SMAD5: variants seen among roughly 807,000 people sequenced by gnomAD.
The protein encoded by SMAD5 is SMAD family member 5.
In SMAD5, 9 loss-of-function variants were observed where a neutral mutation model predicts 43.1. The observed-to-expected ratio is 0.21, with a 90% CI of 0.13 to 0.36. SMAD5 has a LOEUF of 0.36. SMAD5 is among the 10% of genes least tolerant of loss of function. The pLI is 1.00. For synonymous variants in SMAD5, 190 were observed against 192.4 expected (o/e 0.99, Z 0.10); for missense variants, 348 against 574.0 (o/e 0.61, Z 4.02).
intron 1 of SMAD5, among the ~76,000 whole-genome samples, chr5:136,142,704 G>A (rs1262145378): frequency 6.6e-6 from 1 of 152,140 alleles, no homozygotes; most frequent in East Asian, 1.9e-4. Context: ...GTGTAAGAAG[G>A]AGCATACCTT....
intron 3 of SMAD5, among the ~76,000 whole-genome samples, chr5:136,154,948 G>T (rs75025571): frequency 6.6e-6 from 1 of 152,012 alleles, no homozygotes; most frequent in African/African-American, 2.4e-5. Context: ...GACTGTTCTT[G>T]CCCCTCTTTG....
intron 3 of SMAD5, among the ~76,000 whole-genome samples, chr5:136,156,170 T>A (rs1025087005): frequency 6.6e-6 from 1 of 152,198 alleles, no homozygotes; most frequent in Non-Finnish European, 1.5e-5. Flanking sequence ...CATAGCCTTC[T>A]TTATAGGTAG....
At chr5:136,137,451 T>G (rs999523384) in intron 1 of SMAD5, among the ~76,000 whole-genome samples, 1 of 152,248 alleles carries the variant, frequency 6.6e-6, no homozygotes, top group Non-Finnish European at 1.5e-5. Context: ...CCACTTTTTC[T>G]CTGAGCATAG....
intron 1 of SMAD5, among the ~76,000 whole-genome samples, chr5:136,146,374 A>G (rs1207964292): frequency 2.6e-5 from 4 of 151,794 alleles, no homozygotes; most frequent in Non-Finnish European, 4.4e-5. Context: ...GTAGAAGAGT[A>G]TTATGGGGTG....
rs904784984 is a variant in SMAD5, at chr5:136,161,931, C to G, written c.655+824C>G. Among the ~76,000 whole-genome samples, 10 of 152,086 alleles carry G rather than the reference C, an allele frequency of 6.6e-5. No individual in the cohort carries two copies. The East Asian group carries it at 1.7e-3, about 26-fold the overall frequency. On this transcript the variant is annotated intron_variant, in intron 4 of 7. Transcript: ENST00000545279. ...TAAGTTCTTGTGGTATATTTCTGGT[C>G]ACAAAAATATCACTAAATTTATAAA...
chr5:136,171,930 T>C (rs1162481389), intron 5 of SMAD5, among the ~76,000 whole-genome samples: 1 of 152,208 alleles, frequency 6.6e-6, no homozygotes, highest in Non-Finnish European at 1.5e-5. Flanking sequence ...TGGAAATAAT[T>C]AGGCTTGAGA....
rs995436522 is a variant in SMAD5, at chr5:136,181,348, A to C, written c.*3868A>C. 6.6e-6 allele frequency: 1 copy of C among 152,106 alleles called. No individual in the cohort carries two copies. Among genetic ancestry groups the C allele is most frequent in the East Asian group, 1.9e-4 (1 of 5,202 alleles). The allele number at this position is 152,106 out of a possible 1,614,324, so 9.4% of individuals were successfully genotyped here. ...TGTCTTACTAGTTAAATCCTCACCTAATCTCTTGGGTATGAATATAAATGT... is the reference window on the plus strand; with the variant it reads ...TGTCTTACTAGTTAAATCCTCACCTCATCTCTTGGGTATGAATATAAATGT... On this transcript the variant is annotated 3_prime_UTR_variant, in exon 8 of 8. Transcript: ENST00000545279.
intron 1 of SMAD5, among the ~76,000 whole-genome samples, chr5:136,137,017 ATT>A (rs60239443): frequency 0.34 from 36,462 of 108,378 alleles, 4,315 homozygotes; most frequent in African/African-American, 0.43. Context: ...TTTAGTTTTG[ATT>A]TTTTTTTTTT....
intron 3 of SMAD5, among the ~76,000 whole-genome samples, chr5:136,156,709 CT>C (rs1753648526): frequency 6.6e-6 from 1 of 152,178 alleles, no homozygotes; most frequent in South Asian, 2.1e-4. Flanking sequence ...ATGTATTCCC[CT>C]ATAGCCAAAG....
At chr5:136,169,335 AG>A (rs1754136773) in intron 5 of SMAD5, among the ~76,000 whole-genome samples, 1 of 152,124 alleles carries the variant, frequency 6.6e-6, no homozygotes, top group East Asian at 1.9e-4. Context: ...ACCCAGATTG[AG>A]GGTGGGCCTG....
At chr5:136,133,048 G>C (rs1405451030) in intron 1 of SMAD5, 86 bp downstream of exon 1, 1 of 152,374 alleles carries the variant, frequency 6.6e-6, no homozygotes, top group Non-Finnish European at 1.5e-5. Context: ...AGGCGGGGGC[G>C]TTCGGCCGCG....
chr5:136,163,042 G>A (rs983305506), intron 4 of SMAD5, among the ~76,000 whole-genome samples: 1 of 152,150 alleles, frequency 6.6e-6, no homozygotes, highest in Non-Finnish European at 1.5e-5. Context: ...TTGTATCCTG[G>A]ATTACCAGGG....
chr5:136,145,785 A>G (rs897267315), intron 1 of SMAD5, among the ~76,000 whole-genome samples: 1 of 151,946 alleles, frequency 6.6e-6, no homozygotes, highest in Non-Finnish European at 1.5e-5. Flanking sequence ...GAAAAAATGG[A>G]GATTTTGGGT....
Position 136,181,382 on chromosome 5 carries a change from G to A in SMAD5, c.*3902G>A, listed in dbSNP as rs376032480. On this transcript the variant is annotated 3_prime_UTR_variant, in exon 8 of 8. Coordinates refer to ENST00000545279, the MANE Select transcript of SMAD5 (RefSeq NM_005903.7). Reference sequence around the variant, plus strand: ...GGTATGAATATAAATGTGTGTCATCGTTATATTGTTCAGCTAGATGAGCAA... The same window carrying A: ...GGTATGAATATAAATGTGTGTCATCATTATATTGTTCAGCTAGATGAGCAA... The A allele has an allele frequency of 4.6e-5, 7 of 152,162 alleles. No individual in the cohort carries two copies. Among genetic ancestry groups the A allele is most frequent in the East Asian group, 1.9e-4 (1 of 5,180 alleles). The allele number at this position is 152,162 out of a possible 1,614,324, so 9.4% of individuals were successfully genotyped here.
At chr5:136,134,276 T>C (rs1212932743) in intron 1 of SMAD5, 1 of 152,582 alleles carries the variant, frequency 6.6e-6, no homozygotes, top group Non-Finnish European at 1.5e-5. Context: ...GAAAGGGTAC[T>C]TGGGTTGCGT....
chr5:136,134,275 C>T (rs1259527619), intron 1 of SMAD5: 1 of 152,536 alleles, frequency 6.6e-6, no homozygotes, highest in Non-Finnish European at 1.5e-5. Context: ...GGAAAGGGTA[C>T]TTGGGTTGCG....
chr5:136,138,490 A>G (rs529263222), intron 1 of SMAD5, among the ~76,000 whole-genome samples: 1 of 152,320 alleles, frequency 6.6e-6, no homozygotes, highest in Non-Finnish European at 1.5e-5. Flanking sequence ...GTGAGCAAAC[A>G]TGCTTTTGGT....
chr5:136,154,404 C>T (rs1024823232), intron 3 of SMAD5, among the ~76,000 whole-genome samples: 3 of 152,228 alleles, frequency 2.0e-5, no homozygotes, highest in Non-Finnish European at 2.9e-5. Context: ...ATCTACTCTG[C>T]CTTTTCCTGT....
intron 1 of SMAD5, chr5:136,134,597 T>G (rs1752811008): frequency 6.6e-6 from 1 of 152,222 alleles, no homozygotes; most frequent in Non-Finnish European, 1.5e-5. Flanking sequence ...TTTTAGTCTT[T>G]TATTCCTTTG....
Sources: allele counts gnomAD v4.1 joint callset (sites outside exome capture counted in the v4.1 genomes callset), GRCh38; gene constraint gnomAD v4.1.1; transcripts MANE v1.5; gene names NCBI Gene and HGNC (gene_info 2026-07-23, HGNC 2026-07-21).